UGT2B17: variants seen among roughly 807,000 people sequenced by gnomAD.
The protein encoded by UGT2B17 is UDP-glucuronosyltransferase 2B17.
In UGT2B17, 21 loss-of-function variants were observed where a neutral mutation model predicts 48.2. That is an observed-to-expected ratio of 0.44 (90% CI 0.31 to 0.63). The LOEUF is 0.63. Ranked by LOEUF, UGT2B17 falls within the 20% of genes least tolerant of loss-of-function variation. The pLI is 0.08. For synonymous variants in UGT2B17, 146 were observed against 238.4 expected, an observed-to-expected ratio of 0.61 and a Z score of 3.57; for missense variants, 402 against 696.1, an observed-to-expected ratio of 0.58 and a Z score of 4.75.
chr4:68,546,721 A>T lies in UGT2B17; in HGVS notation c.1313+3956T>A, dbSNP rs62316985. ...TCTCCTTAAGCTGATAAGCAACTTC[A>T]GCAAAGTCTCAGGATAAAAAATCAA... On this transcript the variant is annotated intron_variant, in intron 6 of 6. Coordinates refer to ENST00000317746, the MANE Select transcript of UGT2B17 (RefSeq NM_001077.4). Among the ~76,000 whole-genome samples the T allele has an allele frequency of 8.0e-5, 10 of 124,580 alleles. 3 individuals carry two copies. The highest frequency in any genetic ancestry group is 2.5e-4 in the Admixed American group (3 of 12,112). The allele number at this position is 124,580 out of a possible 152,430, so 81.7% of individuals were successfully genotyped here.
At chr4:68,544,726 C>T (rs1730759174) in intron 6 of UGT2B17, among the ~76,000 whole-genome samples, 1 of 125,098 alleles carries the variant, frequency 8.0e-6, no homozygotes, top group South Asian at 3.7e-4. Flanking sequence ...CACACATAGG[C>T]TCAAAATAAA....
intron 1 of UGT2B17, among the ~76,000 whole-genome samples, chr4:68,574,592 G>T (rs1370337759): frequency 7.9e-6 from 1 of 126,612 alleles, no homozygotes; most frequent in Non-Finnish European, 1.7e-5. Flanking sequence ...TTTAAAACTT[G>T]CTTGAACTTT....
rs1310899820 is a variant in UGT2B17, at chr4:68,547,992, T to C, written c.1313+2685A>G. On this transcript the variant is annotated intron_variant, in intron 6 of 6. Coordinates refer to ENST00000317746, the MANE Select transcript of UGT2B17 (RefSeq NM_001077.4). ...CACTGTTGGTGGGACTGTAAACTAGTTCAACCATTGTGGAAGTCAGTGTGG... is the reference window on the plus strand; with the variant it reads ...CACTGTTGGTGGGACTGTAAACTAGCTCAACCATTGTGGAAGTCAGTGTGG... 6.3e-5 allele frequency among the ~76,000 whole-genome samples: 8 copies of C among 126,674 alleles called. 3 individuals carry two copies. In the East Asian group the frequency reaches 4.6e-3, roughly 73 times the overall value. The allele number at this position is 126,674 out of a possible 152,430, so 83.1% of individuals were successfully genotyped here. A position where few individuals can be genotyped will look rare whatever the true frequency, so the allele number is the denominator to read the frequency against.
Position 68,550,910 on chromosome 4 carries a change from C to G in UGT2B17, c.1094-14G>C. The G allele has an allele frequency of 3.7e-6, 5 of 1,343,900 alleles. 2 individuals are homozygous for G. Among genetic ancestry groups the G allele is most frequent in the Non-Finnish European group, 4.9e-6 (5 of 1,029,612 alleles). 83.2% of individuals were successfully genotyped at this position (1,343,900 alleles called of 1,614,324 possible). A position where few individuals can be genotyped will look rare whatever the true frequency, so the allele number is the denominator to read the frequency against. On this transcript the variant is annotated splice_polypyrimidine_tract_variant and intron_variant, in intron 5 of 6. Coordinates refer to ENST00000317746, the MANE Select transcript of UGT2B17 (RefSeq NM_001077.4). ...TTTTGGGATGACCTAAAAGTGGATG[C>G]ATTTTAACAAAGTTATTAATTATAA...
rs1462741779 is a variant in UGT2B17 at position 68,570,733 on chromosome 4, C to G, written c.-64-2185G>C. Among the ~76,000 whole-genome samples the G allele has an allele frequency of 3.2e-5, 4 of 126,060 alleles. 1 individual carries two copies. Among genetic ancestry groups the G allele is most frequent in the Non-Finnish European group, 6.7e-5 (4 of 59,638 alleles). The allele number at this position is 126,060 out of a possible 152,430, so 82.7% of individuals were successfully genotyped here. On this transcript the variant is annotated intron_variant, in intron 1 of 6. Transcript: ENST00000317746. ...CATTTGAAGAAGTACAGGTAGCAAACAAGGGAGCAGTAAGCAGGTTTTTAT... is the reference window on the plus strand; with the variant it reads ...CATTTGAAGAAGTACAGGTAGCAAAGAAGGGAGCAGTAAGCAGGTTTTTAT...
intron 1 of UGT2B17, among the ~76,000 whole-genome samples, chr4:68,574,911 C>T (rs1392889527): frequency 8.2e-6 from 1 of 121,806 alleles, no homozygotes; most frequent in Admixed American, 8.5e-5. Flanking sequence ...CAAGAATTTA[C>T]CATATAACAC....
intron 4 of UGT2B17, among the ~76,000 whole-genome samples, chr4:68,553,610 A>G (rs1265104760): frequency 8.0e-6 from 1 of 125,414 alleles, no homozygotes; most frequent in African/African-American, 2.7e-5. Flanking sequence ...TTGTACTGTG[A>G]GAGGATTTTA....
rs1731265909 is a variant in UGT2B17 at position 68,569,469 on chromosome 4, T to A, written c.-64-921A>T. 1.6e-5 allele frequency among the ~76,000 whole-genome samples: 2 copies of A among 125,604 alleles called. 1 individual carries two copies. The highest frequency in any genetic ancestry group is 3.4e-5 in the Non-Finnish European group (2 of 59,354). 82.4% of individuals were successfully genotyped at this position (125,604 alleles called of 152,430 possible). The stretch of plus-strand genomic sequence containing the variant: ...AGTAGCAGAAAGGTACTGGGAGCTC[T>A]CTGGATACCCAAGCAGCTCATTCCT... On this transcript the variant is annotated intron_variant, in intron 1 of 6. Transcript: ENST00000317746.
chr4:68,561,781 C>T (rs1422183494), intron 3 of UGT2B17, among the ~76,000 whole-genome samples: 1 of 94,996 alleles, frequency 1.1e-5, no homozygotes, highest in Non-Finnish European at 2.1e-5. Flanking sequence ...AATGTATTCT[C>T]ACACCAAAAA....
chr4:68,566,095 A>T (rs1261623793), intron 2 of UGT2B17, among the ~76,000 whole-genome samples: 4 of 118,634 alleles, frequency 3.4e-5, no homozygotes, highest in African/African-American at 1.1e-4. Flanking sequence ...AAAGTTAATA[A>T]AATTAAACAA....
In UGT2B17 at chr4:68,571,524, T is replaced by C. The variant is rs1227712721; in HGVS notation, c.-64-2976A>G. 1.6e-5 allele frequency among the ~76,000 whole-genome samples: 2 copies of C among 126,868 alleles called. 1 individual carries two copies. The highest frequency in any genetic ancestry group is 1.6e-4 in the Admixed American group (2 of 12,378). 83.2% of individuals were successfully genotyped at this position (126,868 alleles called of 152,430 possible). A position where few individuals can be genotyped will look rare whatever the true frequency, so the allele number is the denominator to read the frequency against. On this transcript the variant is annotated intron_variant, in intron 1 of 6. Coordinates refer to ENST00000317746, the MANE Select transcript of UGT2B17 (RefSeq NM_001077.4). ...CATGTGACTGTTTTTGTGGTACTAT[T>C]ATAGAGCTTTTGTCTAAGACAGCTA...
At position 68,546,030 on chromosome 4, in the gene UGT2B17, T is replaced by A. The variant is rs1263242516; in HGVS notation, c.1313+4647A>T. 4.8e-5 allele frequency among the ~76,000 whole-genome samples: 6 copies of A among 126,078 alleles called. 1 individual carries two copies. Among genetic ancestry groups the A allele is most frequent in the Admixed American group, 1.6e-4 (2 of 12,412 alleles). 82.7% of individuals were successfully genotyped at this position (126,078 alleles called of 152,430 possible). On this transcript the variant is annotated intron_variant, in intron 6 of 6. Coordinates refer to ENST00000317746, the MANE Select transcript of UGT2B17 (RefSeq NM_001077.4). ...GCTGGTACCCTTCCTTCTGAAACTA[T>A]TCCAATCAACAGAAAAAGAGGGAAT...
At position 68,572,231 on chromosome 4, in the gene UGT2B17, A is replaced by G. The variant is rs1402600649; in HGVS notation, c.-64-3683T>C. Among the ~76,000 whole-genome samples, 2 of 126,338 alleles carry G rather than the reference A, an allele frequency of 1.6e-5. 1 individual carries two copies. Among genetic ancestry groups the G allele is most frequent in the Admixed American group, 1.6e-4 (2 of 12,338 alleles). 82.9% of individuals were successfully genotyped at this position (126,338 alleles called of 152,430 possible). A position where few individuals can be genotyped will look rare whatever the true frequency, so the allele number is the denominator to read the frequency against. On this transcript the variant is annotated intron_variant, in intron 1 of 6. Transcript: ENST00000317746. ...CTGTTTCATGCTGCTTACTATTAAT[A>G]GCGGCACAAGTGTCAAATTTTAAGG...
At chr4:68,553,898 G>A (rs1219977825) in intron 4 of UGT2B17, among the ~76,000 whole-genome samples, 1 of 122,530 alleles carries the variant, frequency 8.2e-6, no homozygotes, top group Non-Finnish European at 1.7e-5. Flanking sequence ...CAAAGTGAAA[G>A]GGCATCTGCT....
chr4:68,538,328 C>T (rs1730591892), intron 6 of UGT2B17, among the ~76,000 whole-genome samples: 1 of 124,426 alleles, frequency 8.0e-6, no homozygotes, highest in Admixed American at 8.3e-5. Flanking sequence ...CTTTCCGTTT[C>T]GGTCTCAGGT....
In UGT2B17 at chr4:68,548,713, C is replaced by A. The variant is rs1560576440; in HGVS notation, c.1313+1964G>T. ...TTTTCTATTTCTCCTTGAAGAGGTC[C>A]TTCACGTACCTTGTTAGGCATATTC... On this transcript the variant is annotated intron_variant, in intron 6 of 6. Coordinates refer to ENST00000317746, the MANE Select transcript of UGT2B17 (RefSeq NM_001077.4). Among the ~76,000 whole-genome samples the A allele has an allele frequency of 1.6e-5, 2 of 124,910 alleles. 1 individual carries two copies. The highest frequency in any genetic ancestry group is 5.5e-5 in the African/African-American group (2 of 36,624). 81.9% of individuals were successfully genotyped at this position (124,910 alleles called of 152,430 possible).
rs1219348601 is a variant in UGT2B17 at position 68,549,475 on chromosome 4, A to C, written c.1313+1202T>G. On this transcript the variant is annotated intron_variant, in intron 6 of 6. Coordinates refer to ENST00000317746, the MANE Select transcript of UGT2B17 (RefSeq NM_001077.4). ...CCATAATAAGGTAAATAGAAAAATG[A>C]CAAAATGTTCACAAGATTAAAATAG... Among the ~76,000 whole-genome samples the C allele has an allele frequency of 2.4e-5, 3 of 125,692 alleles. 1 individual carries two copies. Among genetic ancestry groups the C allele is most frequent in the African/African-American group, 8.1e-5 (3 of 36,942 alleles). 82.5% of individuals were successfully genotyped at this position (125,692 alleles called of 152,430 possible). A position where few individuals can be genotyped will look rare whatever the true frequency, so the allele number is the denominator to read the frequency against.
intron 2 of UGT2B17, among the ~76,000 whole-genome samples, chr4:68,567,099 T>A: frequency 7.9e-6 from 1 of 126,382 alleles, no homozygotes; most frequent in Non-Finnish European, 1.7e-5. Context: ...TTCCTTATTT[T>A]GGCCCCTATT....
chr4:68,558,896 C>A (rs1329274336), intron 4 of UGT2B17, among the ~76,000 whole-genome samples: 1 of 125,450 alleles, frequency 8.0e-6, no homozygotes, highest in Non-Finnish European at 1.7e-5. Flanking sequence ...TAATCAGAAG[C>A]TCAAAGGAAT....
Sources: allele counts gnomAD v4.1 joint callset (sites outside exome capture counted in the v4.1 genomes callset), GRCh38; gene constraint gnomAD v4.1.1; transcripts MANE v1.5; gene names NCBI Gene and HGNC (gene_info 2026-07-23, HGNC 2026-07-21).